RP1: variants seen among roughly 807,000 people sequenced by gnomAD.
RP1 encodes RP1 axonemal microtubule associated.
Under a neutral mutation model 14.8 loss-of-function variants are expected in RP1, and 16 were observed. The ratio of observed to expected loss-of-function variants is 1.08; its 90% CI spans 0.73 to 1.65. The LOEUF is 1.65. Ranked by LOEUF, RP1 falls within the 40% of genes most tolerant of loss-of-function variation. RP1 has a pLI of 0.00. For missense variants in RP1, 2,631 were observed against 2,535.0 expected, an observed-to-expected ratio of 1.04 and a Z score of -0.81; for synonymous variants, 876 against 883.6, an observed-to-expected ratio of 0.99 and a Z score of 0.15.
chr8:54,825,184 C>G (rs1298524000), intron 24 of RP1, among the ~76,000 whole-genome samples: 1 of 152,110 alleles, frequency 6.6e-6, no homozygotes, highest in Non-Finnish European at 1.5e-5. Flanking sequence ...TGGTCTTGAT[C>G]TCCCGACCTC....
chr8:54,603,103 G>GTGCT (rs1805333253), intron 1 of RP1, among the ~76,000 whole-genome samples: 1 of 152,154 alleles, frequency 6.6e-6, no homozygotes, highest in Admixed American at 6.5e-5. Context: ...TAGACATGAA[G>GTGCT]TGCTTGCCCA....
chr8:54,595,275 G>A (rs1248949761), intron 1 of RP1, among the ~76,000 whole-genome samples: 3 of 151,728 alleles, frequency 2.0e-5, no homozygotes, highest in African/African-American at 7.3e-5. Flanking sequence ...GACTACAGGC[G>A]CCCGCCACCA....
At chr8:54,839,143 G>A (rs531380064) in intron 25 of RP1, among the ~76,000 whole-genome samples, 5 of 152,106 alleles carry the variant, frequency 3.3e-5, no homozygotes, top group African/African-American at 1.2e-4. Flanking sequence ...TATATTACTG[G>A]CCCTACTTGG....
chr8:54,797,330 T>C (rs1163676495), intron 24 of RP1, among the ~76,000 whole-genome samples: 1 of 152,180 alleles, frequency 6.6e-6, no homozygotes, highest in Non-Finnish European at 1.5e-5. Flanking sequence ...GTTGTGATAA[T>C]AGACGTTAAG....
intron 20 of RP1, among the ~76,000 whole-genome samples, chr8:54,755,289 T>C (rs75750049): frequency 0.056 from 8,586 of 152,274 alleles, 333 homozygotes; most frequent in Middle Eastern, 0.12. Context: ...AAACATAATG[T>C]ACAATAACAG....
chr8:54,712,566 T>C (rs1197736937), intron 15 of RP1, among the ~76,000 whole-genome samples: 1 of 152,230 alleles, frequency 6.6e-6, no homozygotes, highest in Non-Finnish European at 1.5e-5. Context: ...TACCTCCTGA[T>C]GGTGTCTGCC....
intron 24 of RP1, among the ~76,000 whole-genome samples, chr8:54,818,364 CAGG>C (rs545897267): frequency 5.3e-5 from 8 of 152,332 alleles, no homozygotes; most frequent in Non-Finnish European, 1.0e-4. Flanking sequence ...CCTGTTCTGA[CAGG>C]AGATTTCCTG....
intron 14 of RP1, among the ~76,000 whole-genome samples, chr8:54,702,694 A>T (rs1808054505): frequency 6.6e-6 from 1 of 152,174 alleles, no homozygotes; most frequent in African/African-American, 2.4e-5. Context: ...TTCATGAAAG[A>T]TTTCTCTATA....
chr8:54,837,496 A>G (rs948444632), exon 25 of RP1: 13 of 1,231,754 alleles, frequency 1.1e-5, no homozygotes, highest in Non-Finnish European at 1.3e-5. Context: ...CGTATTGGAC[A>G]TGACAACACT....
chr8:54,708,512 C>G (rs1002087330), intron 15 of RP1, among the ~76,000 whole-genome samples: 21 of 152,084 alleles, frequency 1.4e-4, no homozygotes, highest in African/African-American at 5.1e-4. Context: ...TGCCACCATG[C>G]CCAGCTAAAT....
chr8:54,870,334 A>G (rs1168740175), exon 29 of RP1: 1 of 160,210 alleles, frequency 6.2e-6, no homozygotes, highest in Admixed American at 6.5e-5. Flanking sequence ...GTAGAAAATA[A>G]CTGAAGAGGT....
chr8:54,587,045 C>T (rs2129299297), intron 1 of RP1, among the ~76,000 whole-genome samples: 1 of 152,308 alleles, frequency 6.6e-6, no homozygotes, highest in East Asian at 1.9e-4. Flanking sequence ...GAACCCAGTA[C>T]CTCAGTTGGA....
At chr8:54,624,055 A>G (rs904593787) in intron 3 of RP1, among the ~76,000 whole-genome samples, 1 of 152,214 alleles carries the variant, frequency 6.6e-6, no homozygotes, top group Non-Finnish European at 1.5e-5. Context: ...CTGAACCTCC[A>G]CATTGAAATT....
intron 19 of RP1, among the ~76,000 whole-genome samples, chr8:54,752,762 T>C (rs1037599290): frequency 6.6e-6 from 1 of 152,142 alleles, no homozygotes; most frequent in Non-Finnish European, 1.5e-5. Context: ...GCAGAGCTTC[T>C]GGATGTTGGA....
At chr8:54,712,363 T>C (rs1808312247) in intron 15 of RP1, among the ~76,000 whole-genome samples, 1 of 152,174 alleles carries the variant, frequency 6.6e-6, no homozygotes, top group Admixed American at 6.5e-5. Flanking sequence ...TAGGGTAGTG[T>C]TTCCTGCATT....
intron 27 of RP1, among the ~76,000 whole-genome samples, chr8:54,862,351 C>A (rs1312363072): frequency 6.6e-6 from 1 of 152,086 alleles, no homozygotes; most frequent in Non-Finnish European, 1.5e-5. Context: ...CTTTACTTTA[C>A]GTAAGTTGGT....
intron 24 of RP1, among the ~76,000 whole-genome samples, chr8:54,792,689 G>A (rs1366035738): frequency 1.3e-5 from 2 of 151,822 alleles, no homozygotes; most frequent in Non-Finnish European, 3.0e-5. Context: ...TGATACAAAA[G>A]CAGTGCTGAG....
chr8:54,670,690 T>C (rs1403956219), intron 7 of RP1, among the ~76,000 whole-genome samples: 2 of 138,228 alleles, frequency 1.4e-5, no homozygotes, highest in African/African-American at 2.7e-5. Flanking sequence ...TATATATATA[T>C]ATATATATAT....
chr8:54,728,176 GA>G (rs1239819451), intron 17 of RP1, among the ~76,000 whole-genome samples: 4 of 151,954 alleles, frequency 2.6e-5, no homozygotes, highest in African/African-American at 7.3e-5. Context: ...TTTAAGTGAG[GA>G]AAAAATGTCT....
Sources: allele counts gnomAD v4.1 joint callset (sites outside exome capture counted in the v4.1 genomes callset), GRCh38; gene constraint gnomAD v4.1.1; transcripts MANE v1.5; gene names NCBI Gene and HGNC (gene_info 2026-07-23, HGNC 2026-07-21).